Variants in ZSCAN25 observed in about 807,000 individuals in gnomAD.
The protein encoded by ZSCAN25 is zinc finger and SCAN domain-containing protein 25.
Under a neutral mutation model 38.7 loss-of-function variants are expected in ZSCAN25, and 27 were observed. The ratio of observed to expected loss-of-function variants is 0.70; its 90% confidence interval spans 0.51 to 0.96. The LOEUF is 0.96. Among genes scored for constraint, ZSCAN25 ranks in the 40% least tolerant of loss-of-function variants. The pLI, the probability that ZSCAN25 is intolerant of heterozygous loss-of-function variation, is 0.00. For missense variants in ZSCAN25, 637 were observed against 705.9 expected, an observed-to-expected ratio of 0.90 and a Z score of 1.11; for synonymous variants, 273 against 277.7, an observed-to-expected ratio of 0.98 and a Z score of 0.17.
At position 99,622,695 on chromosome 7, in the gene ZSCAN25, C is replaced by T. The variant is rs1009740333; in HGVS notation, c.681+55C>T. On this transcript the variant is annotated intron_variant, in intron 6 of 7. Coordinates refer to ENST00000394152, the MANE Select transcript of ZSCAN25 (RefSeq NM_145115.3). ...TGACCGTTGCTTTGATTGAGGTTCACCTTCCCCAAGGTTTCTCTGCACAAC... is the reference window on the plus strand; with the variant it reads ...TGACCGTTGCTTTGATTGAGGTTCATCTTCCCCAAGGTTTCTCTGCACAAC... The T allele has an allele frequency of 3.2e-6, 5 of 1,542,590 alleles. No individual in the cohort carries two copies. The African/African-American group carries it at 4.1e-5, about 13-fold the overall frequency.
chr7:99,660,211 C>A, the ZSCAN25 span: 1 of 796,326 alleles, frequency 1.3e-6, no homozygotes, highest in Admixed American at 7.3e-5. Context: ...TCTCGCCACA[C>A]TCCTTTTTTT....
chr7:99,717,518 T>C, the ZSCAN25 span: 9 of 1,613,546 alleles, frequency 5.6e-6, no homozygotes, highest in Non-Finnish European at 5.1e-6. Flanking sequence ...CCCAAGTTAT[T>C]TTCATACCTC....
At chr7:99,641,309 C>T in the ZSCAN25 span, among the ~76,000 whole-genome samples, 1 of 151,866 alleles carries the variant, frequency 6.6e-6, no homozygotes, top group Non-Finnish European at 1.5e-5. Flanking sequence ...GGGGGATAAG[C>T]CCCTTACAAA....
chr7:99,720,640 A>T, the ZSCAN25 span: 1 of 472,440 alleles, frequency 2.1e-6, no homozygotes, highest in Non-Finnish European at 3.9e-6. Flanking sequence ...CAGGGAAGAG[A>T]GATTGAAAGA....
chr7:99,658,576 C>A, the ZSCAN25 span, among the ~76,000 whole-genome samples: 2 of 152,030 alleles, frequency 1.3e-5, no homozygotes, highest in African/African-American at 2.4e-5. Context: ...TTGCTCTTCT[C>A]GAGGAGTATC....
chr7:99,671,920 AAC>A, the ZSCAN25 span: 4 of 692,626 alleles, frequency 5.8e-6, no homozygotes, highest in South Asian at 6.1e-5. Flanking sequence ...CACACACATA[AAC>A]ACACACAAAC....
the ZSCAN25 span, among the ~76,000 whole-genome samples, chr7:99,707,497 C>G: frequency 6.6e-6 from 1 of 152,140 alleles, no homozygotes. Context: ...ATAAGTGCAC[C>G]TCATGATTGT....
At chr7:99,656,848 G>T in the ZSCAN25 span, among the ~76,000 whole-genome samples, 2 of 152,160 alleles carry the variant, frequency 1.3e-5, no homozygotes, top group Admixed American at 6.5e-5. Context: ...ATTTCTTCTA[G>T]ATTTTCTAGT....
In ZSCAN25 at chr7:99,631,690, C is replaced by T; in HGVS notation, c.*1670C>T. Reference sequence around the variant, plus strand: ...TAACACAAAGCTGTATTACTCAGCCCACTTTGAAACGTGGTTTTATCACCT... The same window carrying T: ...TAACACAAAGCTGTATTACTCAGCCTACTTTGAAACGTGGTTTTATCACCT... On this transcript the variant is annotated 3_prime_UTR_variant, in exon 8 of 8. Coordinates refer to ENST00000394152, the MANE Select transcript of ZSCAN25 (RefSeq NM_145115.3). 4 of 985,292 alleles carry T rather than the reference C, an allele frequency of 4.1e-6. No homozygotes were observed. The South Asian group carries it at 1.9e-4, about 46-fold the overall frequency. 61.0% of individuals were successfully genotyped at this position (985,292 alleles called of 1,614,324 possible).
chr7:99,669,674 C>T, the ZSCAN25 span, among the ~76,000 whole-genome samples: 1 of 152,106 alleles, frequency 6.6e-6, no homozygotes, highest in African/African-American at 2.4e-5. Flanking sequence ...ACAGATACGG[C>T]ACAACTTGCT....
chr7:99,666,666 A>C, the ZSCAN25 span: 29 of 1,614,046 alleles, frequency 1.8e-5, 1 homozygote, highest in South Asian at 3.1e-4. Flanking sequence ...ATACATCTCC[A>C]TACTGGGCAA....
the ZSCAN25 span, among the ~76,000 whole-genome samples, chr7:99,704,444 C>T: frequency 6.6e-6 from 1 of 152,008 alleles, no homozygotes; most frequent in Non-Finnish European, 1.5e-5. Context: ...GCGTGTGCCA[C>T]CATACCTAGC....
chr7:99,619,488 C>T, intron 3 of ZSCAN25, 73 bp from the exon 4 acceptor site: 1 of 1,201,510 alleles, frequency 8.3e-7, no homozygotes, highest in Non-Finnish European at 1.2e-6. Context: ...CTGTGTTCTC[C>T]AGTGGAATAT....
the ZSCAN25 span, chr7:99,677,219 T>C: frequency 1.0e-6 from 1 of 985,290 alleles, no homozygotes; most frequent in Non-Finnish European, 1.2e-6. Context: ...CCCCCTCCGG[T>C]GTGACTGAGG....
At chr7:99,698,969 G>A in the ZSCAN25 span, among the ~76,000 whole-genome samples, 1 of 152,162 alleles carries the variant, frequency 6.6e-6, no homozygotes, top group Non-Finnish European at 1.5e-5. Context: ...GCTCTTAAAA[G>A]TCAAATTGAG....
the ZSCAN25 span, chr7:99,717,687 C>A: frequency 6.2e-7 from 1 of 1,603,464 alleles, no homozygotes; most frequent in Non-Finnish European, 8.5e-7. Context: ...TTGTGGAGGT[C>A]TCCATGGTTG....
the ZSCAN25 span, among the ~76,000 whole-genome samples, chr7:99,735,608 C>T: frequency 6.6e-6 from 1 of 152,294 alleles, no homozygotes. Context: ...CTTTCATACC[C>T]AGCCAGACAG....
intron 4 of ZSCAN25, 74 bp from the exon 5 acceptor site, chr7:99,621,299 A>C (rs1433918189): frequency 8.0e-7 from 1 of 1,251,572 alleles, no homozygotes; most frequent in Non-Finnish European, 1.0e-6. Flanking sequence ...TTCTCTTTTT[A>C]GATTTTAGTT....
chr7:99,713,440 A>G, the ZSCAN25 span: 31 of 1,612,868 alleles, frequency 1.9e-5, 1 homozygote, highest in East Asian at 4.7e-4. Flanking sequence ...GTGCCCCACC[A>G]GTAGCCCTCA....
Sources: allele counts gnomAD v4.1 joint callset (sites outside exome capture counted in the v4.1 genomes callset), GRCh38; gene constraint gnomAD v4.1.1; transcripts MANE v1.5; gene names NCBI Gene and HGNC (gene_info 2026-07-23, HGNC 2026-07-21).